STPG2: variants seen among roughly 807,000 people sequenced by gnomAD.
STPG2 encodes sperm-tail PG-rich repeat-containing protein 2.
Under a neutral mutation model 54.2 loss-of-function variants are expected in STPG2, and 56 were observed. The ratio of observed to expected loss-of-function variants is 1.03; its 90% CI spans 0.83 to 1.29. STPG2 has a LOEUF of 1.29. STPG2 is among the 50% of genes most tolerant of loss of function. STPG2 has a pLI of 0.00. For missense variants in STPG2, 596 were observed against 544.9 expected (o/e 1.09, Z -0.93); for synonymous variants, 200 against 181.8 (o/e 1.10, Z -0.81).
intron 4 of STPG2, among the ~76,000 whole-genome samples, chr4:97,531,796 C>A (rs751783045): frequency 6.6e-6 from 1 of 152,002 alleles, no homozygotes; most frequent in Non-Finnish European, 1.5e-5. Context: ...TATTTGATAG[C>A]ACAACAGTGT....
chr4:97,566,042 G>T (rs1732426991), intron 10 of STPG2, among the ~76,000 whole-genome samples: 1 of 152,194 alleles, frequency 6.6e-6, no homozygotes, highest in Non-Finnish European at 1.5e-5. Context: ...CCCAGAGGTG[G>T]AGCCTACAGA....
chr4:98,059,660 C>G (rs547370082), intron 5 of STPG2, among the ~76,000 whole-genome samples: 38 of 148,782 alleles, frequency 2.6e-4, no homozygotes, highest in African/African-American at 9.3e-4. Flanking sequence ...AAAAAAAATC[C>G]TCAACAAAAT....
intron 8 of STPG2, among the ~76,000 whole-genome samples, chr4:97,887,876 C>A (rs547019306): frequency 6.6e-6 from 1 of 152,296 alleles, no homozygotes; most frequent in East Asian, 1.9e-4. Flanking sequence ...GGCCCACTGC[C>A]CTGTGCAGCC....
At chr4:97,899,107 A>G (rs752897554) in intron 8 of STPG2, among the ~76,000 whole-genome samples, 3 of 151,932 alleles carry the variant, frequency 2.0e-5, no homozygotes, top group Non-Finnish European at 4.4e-5. Flanking sequence ...TTCAGCTAAT[A>G]AACAACTACA....
At chr4:97,735,954 C>T (rs1288153593) in intron 9 of STPG2, among the ~76,000 whole-genome samples, 1 of 152,076 alleles carries the variant, frequency 6.6e-6, no homozygotes, top group Non-Finnish European at 1.5e-5. Context: ...CTCAACATCA[C>T]AAATCATCAG....
chr4:98,089,134 G>C (rs901340131), intron 5 of STPG2, among the ~76,000 whole-genome samples: 2 of 151,826 alleles, frequency 1.3e-5, no homozygotes, highest in Non-Finnish European at 2.9e-5. Context: ...TGATTTCTGA[G>C]ATTTTGGTGC....
rs539302507 is a variant in STPG2 at position 97,761,239 on chromosome 4, A to T, written c.1205-48425T>A. Among the ~76,000 whole-genome samples the T allele has an allele frequency of 1.1e-4, 17 of 152,302 alleles. 1 individual carries two copies. Among genetic ancestry groups the T allele is most frequent in the Non-Finnish European group, 2.1e-4 (14 of 68,022 alleles). On this transcript the variant is annotated intron_variant, in intron 9 of 10. Transcript: ENST00000295268. ...TTATTTGGAAATAGATTTATTGCAG[A>T]TGTTATTAGTTAAGATGAGCTTACA... is the stretch of plus-strand genomic sequence containing the variant.
chr4:97,756,118 C>T (rs1277817267), intron 9 of STPG2, among the ~76,000 whole-genome samples: 2 of 151,976 alleles, frequency 1.3e-5, no homozygotes, highest in Non-Finnish European at 2.9e-5. Flanking sequence ...TCTTGTTCCT[C>T]CCCCCAACTA....
At chr4:98,002,688 T>C (rs948953569) in intron 5 of STPG2, among the ~76,000 whole-genome samples, 1 of 152,020 alleles carries the variant, frequency 6.6e-6, no homozygotes, top group Non-Finnish European at 1.5e-5. Flanking sequence ...ATTCCCTAAA[T>C]TGAGACTACT....
chr4:97,843,311 C>A (rs985711012), intron 8 of STPG2, among the ~76,000 whole-genome samples: 4 of 145,014 alleles, frequency 2.8e-5, no homozygotes, highest in Non-Finnish European at 4.5e-5. Context: ...AAATGTCTGG[C>A]TCTCATCTTC....
intron 10 of STPG2, among the ~76,000 whole-genome samples, chr4:97,613,356 T>G (rs73831962): frequency 6.6e-6 from 1 of 152,032 alleles, no homozygotes; most frequent in African/African-American, 2.4e-5. Flanking sequence ...ATAATTAAAC[T>G]GGGGTTATGG....
chr4:97,895,710 G>T (rs547048728), intron 8 of STPG2, among the ~76,000 whole-genome samples: 20 of 151,792 alleles, frequency 1.3e-4, no homozygotes, highest in African/African-American at 4.8e-4. Context: ...GATTTCTTCT[G>T]GTTGCATAAA....
intron 4 of STPG2, among the ~76,000 whole-genome samples, chr4:97,450,923 G>A (rs1308949671): frequency 6.6e-6 from 1 of 151,816 alleles, no homozygotes; most frequent in African/African-American, 2.4e-5. Flanking sequence ...ATTTCAAAGG[G>A]AATTATTAAT....
chr4:98,137,952 TG>T (rs928607365), intron 1 of STPG2, among the ~76,000 whole-genome samples: 6 of 152,078 alleles, frequency 3.9e-5, no homozygotes, highest in African/African-American at 1.4e-4. Context: ...AAAATTTAAA[TG>T]TTTATAATGA....
rs866625493 is a variant in STPG2 at position 97,604,156 on chromosome 4, C to T, written c.1321-45039G>A. Reference sequence around the variant, plus strand: ...TGGACTCAGTTTTACTCTAGGGCAGCCCTGTATTTGAAATAGTAATCTAGT... The same window carrying T: ...TGGACTCAGTTTTACTCTAGGGCAGTCCTGTATTTGAAATAGTAATCTAGT... On this transcript the variant is annotated intron_variant, in intron 10 of 10. Coordinates refer to ENST00000295268, the MANE Select transcript of STPG2 (RefSeq NM_174952.3). Among the ~76,000 whole-genome samples the T allele has an allele frequency of 1.2e-4, 18 of 151,524 alleles. No homozygotes were observed. The Middle Eastern group carries it at 0.014, about 115-fold the overall frequency.
chr4:97,486,256 T>C (rs949367515), intron 4 of STPG2, among the ~76,000 whole-genome samples: 4 of 151,424 alleles, frequency 2.6e-5, no homozygotes, highest in East Asian at 2.0e-4. Flanking sequence ...TGGGAGAAAA[T>C]TGTCACAATC....
chr4:97,907,338 C>T (rs1456943986), intron 8 of STPG2, among the ~76,000 whole-genome samples: 2 of 152,070 alleles, frequency 1.3e-5, no homozygotes, highest in Non-Finnish European at 2.9e-5. Context: ...TCAAGGAGAA[C>T]TACAAACCAC....
At chr4:97,812,865 T>C (rs1195812766) in intron 9 of STPG2, among the ~76,000 whole-genome samples, 1 of 152,198 alleles carries the variant, frequency 6.6e-6, no homozygotes, top group African/African-American at 2.4e-5. Context: ...ACAATTCAAA[T>C]AGAATTTCAC....
intron 9 of STPG2, among the ~76,000 whole-genome samples, chr4:97,831,844 C>T (rs187511908): frequency 4.5e-4 from 68 of 152,162 alleles, no homozygotes; most frequent in Non-Finnish European, 6.6e-4. Flanking sequence ...CCTGAATAGA[C>T]CAATAACAAG....
Sources: gnomAD v4.1 joint callset for allele counts (sites outside exome capture counted in the v4.1 genomes callset) on GRCh38, gnomAD v4.1.1 for gene constraint, MANE v1.5 for transcripts, NCBI Gene and HGNC (gene_info 2026-07-23, HGNC 2026-07-21) for gene names.